The following XPO6 variants were observed in gnomAD, a reference collection of about 807,000 sequenced individuals.
The protein encoded by XPO6 is exportin-6.
XPO6 carries 3 observed loss-of-function variants against 130.0 expected under a neutral mutation model. The observed-to-expected ratio is 0.02, with a 90% CI of 0.01 to 0.06. XPO6 has a LOEUF of 0.06. Among genes scored for constraint, XPO6 ranks in the 10% least tolerant of loss-of-function variants. The pLI, the probability that XPO6 is intolerant of heterozygous loss-of-function variation, is 1.00. For missense variants in XPO6, 970 were observed against 1,393.0 expected, an observed-to-expected ratio of 0.70 and a Z score of 4.83; for synonymous variants, 524 against 548.9, an observed-to-expected ratio of 0.95 and a Z score of 0.63.
chr16:28,147,672 C>A lies in XPO6; in HGVS notation c.1225-1469G>T, dbSNP rs28546115. On this transcript the variant is annotated intron_variant, in intron 8 of 23. Coordinates refer to ENST00000304658, the MANE Select transcript of XPO6 (RefSeq NM_015171.4). Reference sequence around the variant, plus strand: ...CATGGAAATGATACGGCAGCCAGACCGAGTGGCTCACATCTGTAATCCCAA... The same window carrying A: ...CATGGAAATGATACGGCAGCCAGACAGAGTGGCTCACATCTGTAATCCCAA... Among the ~76,000 whole-genome samples the A allele has an allele frequency of 2.0e-5, 3 of 152,260 alleles. No homozygotes were observed. In the East Asian group the frequency reaches 5.8e-4, roughly 29 times the overall value.
At chr16:28,204,002 T>C (rs1184345860) in intron 1 of XPO6, among the ~76,000 whole-genome samples, 1 of 152,110 alleles carries the variant, frequency 6.6e-6, no homozygotes, top group African/African-American at 2.4e-5. Flanking sequence ...TCCAACTACT[T>C]CTTCACATCC....
At chr16:28,162,935 AAG>A in intron 6 of XPO6, among the ~76,000 whole-genome samples, 1 of 152,284 alleles carries the variant, frequency 6.6e-6, no homozygotes, top group African/African-American at 2.4e-5. Flanking sequence ...TTACTAACTT[AAG>A]AGTTTTCCAA....
chr16:28,119,181 ATTTTTTTT>A (rs1032667845), intron 14 of XPO6, among the ~76,000 whole-genome samples: 1 of 129,050 alleles, frequency 7.7e-6, no homozygotes, highest in Non-Finnish European at 1.7e-5. Flanking sequence ...ATGTCCGGCT[ATTTTTTTT>A]TTTTTTTTTG....
At chr16:28,165,145 AAGTCGAGGCTGC>A (rs1157054910) in intron 6 of XPO6, 8 of 152,220 alleles carry the variant, frequency 5.3e-5, no homozygotes, top group Non-Finnish European at 8.8e-5. Flanking sequence ...GGAGCCCAGG[AAGTCGAGGCTGC>A]AGTGAATTGT....
At chr16:28,137,908 C>G (rs1363091924) in intron 9 of XPO6, among the ~76,000 whole-genome samples, 2 of 152,036 alleles carry the variant, frequency 1.3e-5, no homozygotes, top group East Asian at 3.9e-4. Context: ...TTGTTGCCAT[C>G]CTATGTCCAC....
chr16:28,211,944 A>T lies in XPO6; in HGVS notation c.-576T>A, dbSNP rs2044141674. 6.6e-6 allele frequency: 1 copy of T among 152,120 alleles called. No individual in the cohort carries two copies. The highest frequency in any genetic ancestry group is 2.1e-4 in the South Asian group (1 of 4,834). 9.4% of individuals were successfully genotyped at this position (152,120 alleles called of 1,614,324 possible). On this transcript the variant is annotated 5_prime_UTR_variant, in exon 1 of 24. It adds an upstream start codon to the 5' untranslated region. Coordinates refer to ENST00000304658, the MANE Select transcript of XPO6 (RefSeq NM_015171.4). Reference sequence around the variant, plus strand: ...AGTACCGCGCGGCCGCCCCCGACCAACAGCCCCAACGCGCCGGAAGTGGCG... The same window carrying T: ...AGTACCGCGCGGCCGCCCCCGACCATCAGCCCCAACGCGCCGGAAGTGGCG...
At chr16:28,203,105 G>C (rs532835737) in intron 1 of XPO6, among the ~76,000 whole-genome samples, 21 of 152,200 alleles carry the variant, frequency 1.4e-4, no homozygotes, top group African/African-American at 5.1e-4. Context: ...GTGAAACCTC[G>C]TATCTACAAA....
At chr16:28,113,187 T>C in intron 15 of XPO6, 137 bp from the exon 16 acceptor site, 11 of 1,141,994 alleles carry the variant, frequency 9.6e-6, no homozygotes, top group Non-Finnish European at 1.3e-5. Flanking sequence ...GCTCAAGAAT[T>C]TTTCCTATGA....
chr16:28,126,735 A>G (rs991001185), intron 12 of XPO6: 1 of 152,102 alleles, frequency 6.6e-6, no homozygotes, highest in African/African-American at 2.4e-5. Flanking sequence ...AAATGTCCAC[A>G]AAAGATAGTA....
intron 17 of XPO6, among the ~76,000 whole-genome samples, chr16:28,108,884 C>A (rs2086847848): frequency 1.3e-5 from 2 of 152,248 alleles, no homozygotes. Context: ...GCCCCACTCA[C>A]AGGGCTGAGG....
intron 8 of XPO6, among the ~76,000 whole-genome samples, chr16:28,147,774 C>CT (rs1223816864): frequency 6.6e-6 from 1 of 152,168 alleles, no homozygotes; most frequent in Non-Finnish European, 1.5e-5. Context: ...GGTGTAAACC[C>CT]TTTCTCTACT....
At chr16:28,138,859 T>C (rs966387359) in intron 9 of XPO6, among the ~76,000 whole-genome samples, 3 of 152,118 alleles carry the variant, frequency 2.0e-5, no homozygotes, top group Admixed American at 2.0e-4. Flanking sequence ...CGCCTAATGG[T>C]AGAACAAATA....
At chr16:28,151,446 A>G (rs1472563741) in intron 8 of XPO6, among the ~76,000 whole-genome samples, 1 of 152,222 alleles carries the variant, frequency 6.6e-6, no homozygotes, top group Non-Finnish European at 1.5e-5. Context: ...CACGATGGCC[A>G]ATAAAAACAC....
intron 23 of XPO6, among the ~76,000 whole-genome samples, chr16:28,099,005 GAA>G (rs1882122879): frequency 6.6e-6 from 1 of 152,134 alleles, no homozygotes; most frequent in East Asian, 1.9e-4. Context: ...AGCTCACACT[GAA>G]GAGACCAGCA....
chr16:28,132,276 T>C lies in XPO6; in HGVS notation c.1606+58A>G. 1 of 1,315,222 alleles carries C rather than the reference T, an allele frequency of 7.6e-7. No individual in the cohort carries two copies. The highest frequency in any genetic ancestry group is 1.1e-6 in the Non-Finnish European group (1 of 927,946). The allele number at this position is 1,315,222 out of a possible 1,614,324, so 81.5% of individuals were successfully genotyped here. On this transcript the variant is annotated intron_variant, in intron 12 of 23. Transcript: ENST00000304658. This position sits in a 1 kb window ranked among gnomAD's most constrained non-coding sequence, Gnocchi z 4.0. ...GACAGCAACGGCAGCAGTAATGAAA[T>C]ATCAGTCCGATGGTTTTTTGAATGT... is the stretch of plus-strand genomic sequence containing the variant.
At chr16:28,155,759 C>T (rs913499109) in intron 7 of XPO6, 2 of 312,000 alleles carry the variant, frequency 6.4e-6, no homozygotes, top group Non-Finnish European at 1.1e-5. Context: ...TCAGTCCCTG[C>T]ACCACCTCAG....
intron 2 of XPO6, 81 bp downstream of exon 2, chr16:28,180,860 T>G (rs1395828224): frequency 3.5e-6 from 4 of 1,148,714 alleles, no homozygotes; most frequent in Admixed American, 2.3e-5. Flanking sequence ...ACTTGACCAG[T>G]CACGGCTACG....
At chr16:28,202,437 C>T (rs986766040) in intron 1 of XPO6, among the ~76,000 whole-genome samples, 1 of 152,028 alleles carries the variant, frequency 6.6e-6, no homozygotes, top group African/African-American at 2.4e-5. Context: ...AAGAGAGGAC[C>T]GGTCATGACA....
At chr16:28,169,513 TCA>T (rs1781447652) in intron 5 of XPO6, among the ~76,000 whole-genome samples, 1 of 152,198 alleles carries the variant, frequency 6.6e-6, no homozygotes, top group Non-Finnish European at 1.5e-5. Context: ...ACCTCACTGA[TCA>T]CAGTTACAGT....
Sources: allele counts gnomAD v4.1 joint callset (sites outside exome capture counted in the v4.1 genomes callset), GRCh38; gene constraint gnomAD v4.1.1; non-coding constraint Gnocchi (gnomAD v3.1); transcripts MANE v1.5; gene names NCBI Gene and HGNC (gene_info 2026-07-23, HGNC 2026-07-21).